Variants in ARHGAP15 observed in about 807,000 individuals in gnomAD.
ARHGAP15 encodes rho GTPase-activating protein 15.
In ARHGAP15, 51 loss-of-function variants were observed where a neutral mutation model predicts 63.7. That is an observed-to-expected ratio of 0.80 (90% confidence interval 0.64 to 1.01). The LOEUF is 1.01. ARHGAP15 is among the 50% of genes least tolerant of loss of function. ARHGAP15 has a pLI of 0.00. For synonymous variants in ARHGAP15, 191 were observed against 193.8 expected (o/e 0.99, Z 0.12); for missense variants, 560 against 564.6 (o/e 0.99, Z 0.08).
chr2:143,267,682 T>G (rs1681065404), intron 6 of ARHGAP15, among the ~76,000 whole-genome samples: 1 of 152,192 alleles, frequency 6.6e-6, no homozygotes, highest in South Asian at 2.1e-4. Flanking sequence ...ATCAAATGAA[T>G]TGGTATTCTA....
chr2:143,421,150 T>C (rs555060969), intron 6 of ARHGAP15, among the ~76,000 whole-genome samples: 27 of 152,108 alleles, frequency 1.8e-4, no homozygotes, highest in African/African-American at 5.8e-4. Flanking sequence ...TTTCTTCTTT[T>C]ATAAAGGAAC....
At chr2:143,668,611 C>G (rs144176404) in intron 12 of ARHGAP15, among the ~76,000 whole-genome samples, 1 of 152,204 alleles carries the variant, frequency 6.6e-6, no homozygotes, top group African/African-American at 2.4e-5. Context: ...TTTATACAGC[C>G]TACATGACCA....
chr2:143,512,308 A>C (rs1693625371), intron 9 of ARHGAP15, among the ~76,000 whole-genome samples: 1 of 152,252 alleles, frequency 6.6e-6, no homozygotes, highest in Non-Finnish European at 1.5e-5. Context: ...CACTTGGGCC[A>C]CATGTTCATG....
intron 6 of ARHGAP15, among the ~76,000 whole-genome samples, chr2:143,319,051 A>T (rs1239232108): frequency 6.6e-6 from 1 of 151,928 alleles, no homozygotes; most frequent in Non-Finnish European, 1.5e-5. Context: ...GTAGTTACCT[A>T]CTTTTCCCCT....
chr2:143,439,587 G>A (rs1401331974), intron 8 of ARHGAP15, among the ~76,000 whole-genome samples: 2 of 151,180 alleles, frequency 1.3e-5, no homozygotes, highest in Non-Finnish European at 2.9e-5. Flanking sequence ...ACTGTTCCAA[G>A]TGCTTGTCTT....
intron 12 of ARHGAP15, among the ~76,000 whole-genome samples, chr2:143,675,447 C>T (rs1682777994): frequency 6.6e-6 from 1 of 152,134 alleles, no homozygotes; most frequent in East Asian, 1.9e-4. Flanking sequence ...ATTTACTTCG[C>T]CCACATTCAT....
intron 12 of ARHGAP15, among the ~76,000 whole-genome samples, chr2:143,634,924 T>C (rs953309576): frequency 2.0e-5 from 3 of 152,040 alleles, no homozygotes; most frequent in Non-Finnish European, 4.4e-5. Context: ...CTTGCTTCTA[T>C]GAAATATTAG....
At chr2:143,704,755 A>G (rs1273884319) in intron 13 of ARHGAP15, among the ~76,000 whole-genome samples, 1 of 152,208 alleles carries the variant, frequency 6.6e-6, no homozygotes, top group Non-Finnish European at 1.5e-5. Context: ...TTGTGAGATT[A>G]AATCTCCTTA....
intron 13 of ARHGAP15, among the ~76,000 whole-genome samples, chr2:143,737,674 C>T (rs927704502): frequency 6.6e-6 from 1 of 152,170 alleles, no homozygotes; most frequent in African/African-American, 2.4e-5. Context: ...CATAAGGAAC[C>T]ATTCTTCCCA....
Position 143,183,725 on chromosome 2 carries a change from T to TTC in ARHGAP15, c.166-18408_166-18407insCT, listed in dbSNP as rs538599295. On this transcript the variant is annotated intron_variant, in intron 2 of 13. Coordinates refer to ENST00000295095, the MANE Select transcript of ARHGAP15 (RefSeq NM_018460.4). ...TTTTGGATTGTATTTTTCTTTTCTT[T>TTC]TTTTTTTTTTTAAAGCTAAAGATGA... 5.4e-4 allele frequency among the ~76,000 whole-genome samples: 81 copies of TTC among 150,866 alleles called. 1 individual carries two copies. The South Asian group carries it at 0.014, about 26-fold the overall frequency.
chr2:143,678,253 A>G (rs1430585451), intron 12 of ARHGAP15, among the ~76,000 whole-genome samples: 3 of 152,174 alleles, frequency 2.0e-5, no homozygotes, highest in African/African-American at 7.2e-5. Flanking sequence ...CAAAAGAGGA[A>G]GAATATCTTT....
intron 6 of ARHGAP15, chr2:143,351,217 T>C (rs1202184792): frequency 6.6e-6 from 1 of 152,230 alleles, no homozygotes; most frequent in Non-Finnish European, 1.5e-5. Flanking sequence ...TACTAGTCTA[T>C]TCTTACCATT....
At chr2:143,129,904 A>C (rs893615085) in intron 1 of ARHGAP15, among the ~76,000 whole-genome samples, 1 of 152,182 alleles carries the variant, frequency 6.6e-6, no homozygotes, top group African/African-American at 2.4e-5. Flanking sequence ...AAAGATACTC[A>C]CTTTAAAGCA....
At chr2:143,591,891 A>T (rs921150145) in intron 11 of ARHGAP15, among the ~76,000 whole-genome samples, 4 of 151,910 alleles carry the variant, frequency 2.6e-5, no homozygotes, top group Non-Finnish European at 4.4e-5. Context: ...AAGTGCTGGG[A>T]TTAGAGGTGT....
At chr2:143,532,928 CA>C (rs1444947198) in intron 10 of ARHGAP15, among the ~76,000 whole-genome samples, 1 of 152,092 alleles carries the variant, frequency 6.6e-6, no homozygotes, top group Non-Finnish European at 1.5e-5. Context: ...CTTCCGTTAC[CA>C]AAAAACTCAA....
chr2:143,665,839 T>C lies in ARHGAP15; in HGVS notation c.1139-37580T>C, dbSNP rs1682141305. On this transcript the variant is annotated intron_variant, in intron 12 of 13. Transcript: ENST00000295095. ...CACAATTGCTTCAAAGAGAATAAAA[T>C]ACCTAGGAATCCAACTTACAAGGGA... 2.0e-5 allele frequency among the ~76,000 whole-genome samples: 3 copies of C among 149,456 alleles called. No individual in the cohort carries two copies. The South Asian group carries it at 6.4e-4, about 32-fold the overall frequency.
chr2:143,660,874 G>A (rs1681731201), intron 12 of ARHGAP15, among the ~76,000 whole-genome samples: 2 of 152,166 alleles, frequency 1.3e-5, no homozygotes, highest in Admixed American at 1.3e-4. Context: ...TATTGCTGTT[G>A]TAACAGATTA....
intron 2 of ARHGAP15, among the ~76,000 whole-genome samples, chr2:143,169,046 T>C (rs996010924): frequency 6.6e-6 from 1 of 152,080 alleles, no homozygotes; most frequent in Non-Finnish European, 1.5e-5. Flanking sequence ...AGGGCCTCTT[T>C]AGAATTTCTC....
intron 8 of ARHGAP15, among the ~76,000 whole-genome samples, chr2:143,455,196 T>C (rs1274866252): frequency 1.3e-5 from 2 of 152,036 alleles, no homozygotes; most frequent in African/African-American, 4.8e-5. Context: ...CTAAACAAGG[T>C]GTGGCTTATT....
Sources: allele counts gnomAD v4.1 joint callset (sites outside exome capture counted in the v4.1 genomes callset), GRCh38; gene constraint gnomAD v4.1.1; transcripts MANE v1.5; gene names NCBI Gene and HGNC (gene_info 2026-07-23, HGNC 2026-07-21).